Variants in PLEKHA5 observed in about 807,000 individuals in gnomAD.
The protein encoded by PLEKHA5 is pleckstrin homology domain containing A5, also known as pleckstrin homology domain-containing family A member 5.
In PLEKHA5, 55 loss-of-function variants were observed where a neutral mutation model predicts 181.9. The ratio of observed to expected loss-of-function variants is 0.30; its 90% CI spans 0.24 to 0.38. The LOEUF is 0.38. Ranked by LOEUF, PLEKHA5 falls within the 10% of genes least tolerant of loss-of-function variation. The pLI is 1.00. For synonymous variants in PLEKHA5, 535 were observed against 529.4 expected, an observed-to-expected ratio of 1.01 and a Z score of -0.15; for missense variants, 1,432 against 1,549.5, an observed-to-expected ratio of 0.92 and a Z score of 1.27.
In PLEKHA5 at chr12:19,368,061, C is replaced by CAT. The variant is rs551447110; in HGVS notation, c.3755-1632_3755-1631insAT. Among the ~76,000 whole-genome samples the CAT allele has an allele frequency of 6.6e-3, 1,004 of 151,898 alleles. 9 individuals are homozygous for CAT. The highest frequency in any genetic ancestry group is 0.023 in the African/African-American group (950 of 41,462). ...TCTTCCGTATCTTATATAAATATAA[C>CAT]GTGTATGTTATAAATTTAAATAAAA... On this transcript the variant is annotated intron_variant, in intron 30 of 31. Coordinates refer to ENST00000429027, the MANE Select transcript of PLEKHA5 (RefSeq NM_001256470.2).
At chr12:19,231,077 G>T (rs34086543) in intron 3 of PLEKHA5, among the ~76,000 whole-genome samples, 2,067 of 152,168 alleles carry the variant, frequency 0.014, 157 homozygotes, top group Admixed American at 0.13. Flanking sequence ...TAAAACATGG[G>T]TATTTTCTTC....
intron 3 of PLEKHA5, among the ~76,000 whole-genome samples, chr12:19,242,059 G>A (rs2062725188): frequency 1.3e-5 from 2 of 152,094 alleles, no homozygotes; most frequent in African/African-American, 4.8e-5. Flanking sequence ...ATTATGTTAA[G>A]CACTTTTGCT....
intron 16 of PLEKHA5, among the ~76,000 whole-genome samples, chr12:19,316,779 A>C (rs1414585413): frequency 6.6e-6 from 1 of 152,180 alleles, no homozygotes; most frequent in Non-Finnish European, 1.5e-5. Flanking sequence ...TGTGTTTATA[A>C]ATTTGCACAA....
chr12:19,132,482 G>A lies in PLEKHA5; in HGVS notation c.227+32G>A, dbSNP rs147092897. ...TTTTTGACTTTCATTTTTTTCCTTC[G>A]TAATTAGAATGCTGTGATTACTCCT... On this transcript the variant is annotated intron_variant, in intron 3 of 31. Coordinates refer to ENST00000429027, the MANE Select transcript of PLEKHA5 (RefSeq NM_001256470.2). 1,079 of 1,128,968 alleles carry A rather than the reference G, an allele frequency of 9.6e-4. 4 individuals carry two copies. The African/African-American group carries it at 0.015, about 16-fold the overall frequency. 69.9% of individuals were successfully genotyped at this position (1,128,968 alleles called of 1,614,324 possible). A position where few individuals can be genotyped will look rare whatever the true frequency, so the allele number is the denominator to read the frequency against.
intron 21 of PLEKHA5, among the ~76,000 whole-genome samples, chr12:19,341,147 C>A (rs1331754550): frequency 6.6e-6 from 1 of 151,944 alleles, no homozygotes; most frequent in Non-Finnish European, 1.5e-5. Flanking sequence ...CATGGTGTCA[C>A]ACACCTGTAA....
Position 19,283,397 on chromosome 12 carries a change from T to C in PLEKHA5, c.1431T>C (p.Ser477=). ...LPRNSKTRPE[S]ICSVTPSTHD... is the part of the protein sequence containing the mutation. ...GAAACAGCAAGACAAGGCCTGAAAG[T>C]ATCTGCAGTGTAACCCCTTCCACTC... Residue 477 remains serine, a synonymous_variant, in exon 12 of 32, where the codon AGT becomes AGC. Transcript: ENST00000429027. The C allele has an allele frequency of 6.2e-7, 1 of 1,614,000 alleles. No homozygotes were observed.
chr12:19,362,683 A>G (rs114553546), intron 29 of PLEKHA5, among the ~76,000 whole-genome samples: 1,632 of 151,940 alleles, frequency 0.011, 35 homozygotes, highest in African/African-American at 0.037. Context: ...TTGCTTGAAC[A>G]TGGGAGGTCA....
Position 19,349,980 on chromosome 12 carries a change from C to T in PLEKHA5, c.3019+1461C>T, listed in dbSNP as rs371219515. On this transcript the variant is annotated intron_variant, in intron 25 of 31. Transcript: ENST00000429027. ...ACAAAAAATTAGCCATGCATGGTAGCACACACCTGTAGTCCCAGCTACTCA... is the reference window on the plus strand; with the variant it reads ...ACAAAAAATTAGCCATGCATGGTAGTACACACCTGTAGTCCCAGCTACTCA... Among the ~76,000 whole-genome samples the T allele has an allele frequency of 5.3e-5, 8 of 152,208 alleles. No homozygotes were observed. In the East Asian group the frequency reaches 9.7e-4, roughly 18 times the overall value.
At chr12:19,239,915 G>C (rs1306336070) in intron 3 of PLEKHA5, among the ~76,000 whole-genome samples, 1 of 152,060 alleles carries the variant, frequency 6.6e-6, no homozygotes, top group Admixed American at 6.6e-5. Flanking sequence ...TTATTTATTT[G>C]TATTTGTGAT....
chr12:19,317,920 CCTT>C (rs1307458168), intron 16 of PLEKHA5, among the ~76,000 whole-genome samples: 1 of 118,120 alleles, frequency 8.5e-6, no homozygotes, highest in Non-Finnish European at 1.8e-5. Flanking sequence ...TCAAACCAAA[CCTT>C]TTTTTTTTTT....
At chr12:19,266,102 G>T (rs2070268505) in intron 8 of PLEKHA5, among the ~76,000 whole-genome samples, 1 of 152,108 alleles carries the variant, frequency 6.6e-6, no homozygotes, top group Non-Finnish European at 1.5e-5. Flanking sequence ...ATGTCAGAAT[G>T]CTAATAATTG....
intron 25 of PLEKHA5, among the ~76,000 whole-genome samples, chr12:19,352,090 A>AG (rs1233420861): frequency 2.6e-5 from 4 of 151,358 alleles, no homozygotes; most frequent in African/African-American, 9.7e-5. Flanking sequence ...AAAAAAAAAA[A>AG]AAAAAAAGAC....
chr12:19,148,170 C>T (rs1208119382), intron 3 of PLEKHA5, among the ~76,000 whole-genome samples: 1 of 152,202 alleles, frequency 6.6e-6, no homozygotes, highest in Non-Finnish European at 1.5e-5. Flanking sequence ...AATTCTCCTG[C>T]CTTAGCCTCC....
chr12:19,212,829 T>G (rs1028213280), intron 3 of PLEKHA5, among the ~76,000 whole-genome samples: 20 of 93,114 alleles, frequency 2.1e-4, no homozygotes, highest in Admixed American at 1.3e-3. Context: ...TGGGTTTTTT[T>G]TTGTTGTTTT....
intron 3 of PLEKHA5, among the ~76,000 whole-genome samples, chr12:19,242,893 A>G (rs2062937569): frequency 6.6e-6 from 1 of 152,214 alleles, no homozygotes. Context: ...AATGTGAGGT[A>G]ACATTTCTAA....
rs562230227 is a variant in PLEKHA5, at chr12:19,311,516, A to G, written c.2038-3298A>G. Among the ~76,000 whole-genome samples the G allele has an allele frequency of 4.6e-5, 7 of 152,096 alleles. No homozygotes were observed. The East Asian group carries it at 1.4e-3, about 29-fold the overall frequency. On this transcript the variant is annotated intron_variant, in intron 15 of 31. Coordinates refer to ENST00000429027, the MANE Select transcript of PLEKHA5 (RefSeq NM_001256470.2). ...AACTCTGCTGCTGCTTTATCAACCAAGTTTATATATTCTAAATGCTTTGTT... is the reference window on the plus strand; with the variant it reads ...AACTCTGCTGCTGCTTTATCAACCAGGTTTATATATTCTAAATGCTTTGTT...
Position 19,129,807 on chromosome 12 carries a change from C to T in PLEKHA5, c.8C>T (p.Ala3Val). The T allele has an allele frequency of 6.3e-7, 1 of 1,598,610 alleles. No individual in the cohort carries two copies. The highest frequency in any genetic ancestry group is 8.5e-7 in the Non-Finnish European group (1 of 1,173,334). MA[A>V]DLNLEWISLP... ...GGCGGCTAGGGATCAGACATGGCGGCGGATCTGAACCTGGAGTGGATCTCC... is the reference window on the plus strand; with the variant it reads ...GGCGGCTAGGGATCAGACATGGCGGTGGATCTGAACCTGGAGTGGATCTCC... The change falls in exon 1 of 32, where the codon GCG becomes GTG. Residue 3 changes from alanine (A) to valine (V), a missense_variant. Around this residue, in one of 2 missense-constraint regions of PLEKHA5, gnomAD observed 289 missense variants for 381.1 expected, o/e 0.76. Transcript: ENST00000429027.
chr12:19,212,835 GTTTTTTT>G (rs11290352), intron 3 of PLEKHA5, among the ~76,000 whole-genome samples: 2 of 138,144 alleles, frequency 1.4e-5, no homozygotes, highest in Non-Finnish European at 3.1e-5. Context: ...TTTTTTTGTT[GTTTTTTT>G]TTTTTTTTTA....
At chr12:19,357,126 A>T (rs1039944236) in intron 26 of PLEKHA5, among the ~76,000 whole-genome samples, 1 of 152,086 alleles carries the variant, frequency 6.6e-6, no homozygotes, top group African/African-American at 2.4e-5. Flanking sequence ...ATATTTAGAC[A>T]CTGTGCCCCT....
Sources: allele counts gnomAD v4.1 joint callset (sites outside exome capture counted in the v4.1 genomes callset), GRCh38; gene constraint gnomAD v4.1.1; regional missense constraint gnomAD v4.1.1; transcripts MANE v1.5; gene names NCBI Gene and HGNC (gene_info 2026-07-23, HGNC 2026-07-21).